The following PIK3C2B variants were observed in gnomAD, a reference collection of about 807,000 sequenced individuals.
PIK3C2B encodes phosphatidylinositol-4-phosphate 3-kinase catalytic subunit type 2 beta.
A neutral mutation model predicts 184.3 loss-of-function variants in PIK3C2B; 83 were observed. That is an observed-to-expected ratio of 0.45 (90% CI 0.38 to 0.54). PIK3C2B has a LOEUF of 0.54. Among genes scored for constraint, PIK3C2B ranks in the 20% least tolerant of loss-of-function variants. The pLI, the probability that PIK3C2B is intolerant of heterozygous loss-of-function variation, is 0.00. For missense variants in PIK3C2B, 1,736 were observed against 2,113.5 expected (o/e 0.82, Z 3.50); for synonymous variants, 779 against 837.6 (o/e 0.93, Z 1.21).
In PIK3C2B at chr1:204,433,761, G is replaced by A. The variant is rs373472404; in HGVS notation, c.3843+32C>T. ...TAAAGATGATGCCAGATAATAAGAA[G>A]AAGGTATTCGGAAAGGGATGGAGCT... On this transcript the variant is annotated intron_variant, in intron 25 of 32. Coordinates refer to ENST00000684373, the MANE Select transcript of PIK3C2B (RefSeq NM_001377334.1). This position sits in a 1 kb window ranked among gnomAD's most constrained non-coding sequence, Gnocchi z 5.0. 1 of 1,596,824 alleles carries A rather than the reference G, an allele frequency of 6.3e-7. No homozygotes were observed. The highest frequency in any genetic ancestry group is 8.6e-7 in the Non-Finnish European group (1 of 1,164,854).
rs1340869857 is a variant in PIK3C2B, at chr1:204,447,587, T to C, written c.2347-9A>G. The C allele has an allele frequency of 6.3e-7, 1 of 1,596,362 alleles. No individual in the cohort carries two copies. Among genetic ancestry groups the C allele is most frequent in the Non-Finnish European group, 8.5e-7 (1 of 1,171,428 alleles). ...GAGGTGGGGAAGTCAATCTGGGGGA[T>C]GAGATCAGGGATGTGAGGAGAGAAA... On this transcript the variant is annotated splice_polypyrimidine_tract_variant and intron_variant, in intron 14 of 32. Transcript: ENST00000684373. The surrounding 1 kb of genome is among the most constrained non-coding windows in gnomAD (Gnocchi z 4.1).
At position 204,490,211 on chromosome 1, in the gene PIK3C2B, G is replaced by A. The variant is rs938055307; in HGVS notation, c.-85+4145C>T. The A allele has an allele frequency of 2.3e-5, 8 of 341,810 alleles. No homozygotes were observed. The Admixed American group carries it at 2.4e-4, about 10-fold the overall frequency. 21.2% of individuals were successfully genotyped at this position (341,810 alleles called of 1,614,324 possible). A position where few individuals can be genotyped will look rare whatever the true frequency, so the allele number is the denominator to read the frequency against. ...TCCTACAGAGAGTTCTCAGGAAGAG[G>A]AAGGAGTGAATTGCTAAGGCTTCCT... is the stretch of plus-strand genomic sequence containing the variant. On this transcript the variant is annotated intron_variant, in intron 1 of 32. Transcript: ENST00000684373.
intron 12 of PIK3C2B, among the ~76,000 whole-genome samples, chr1:204,452,446 T>A (rs1654455844): frequency 6.7e-6 from 1 of 149,230 alleles, no homozygotes; most frequent in African/African-American, 2.5e-5. Flanking sequence ...CTTGGCTAAT[T>A]TTTTGTATTT....
intron 1 of PIK3C2B, among the ~76,000 whole-genome samples, chr1:204,472,166 C>CTTTT (rs71145091): frequency 7.0e-6 from 1 of 143,788 alleles, no homozygotes; most frequent in Admixed American, 6.9e-5. Flanking sequence ...ACTGGGGGAA[C>CTTTT]TTTTTTTTTT....
At chr1:204,431,335 G>A in intron 28 of PIK3C2B, 1 of 300,302 alleles carries the variant, frequency 3.3e-6, no homozygotes. Context: ...CATTTTAAAT[G>A]CTGAATAATA....
rs1419329537 is a variant in PIK3C2B at position 204,461,374 on chromosome 1, T to C, written c.1311-713A>G. 2.6e-5 allele frequency among the ~76,000 whole-genome samples: 4 copies of C among 152,164 alleles called. No individual in the cohort carries two copies. In the East Asian group the frequency reaches 7.7e-4, roughly 29 times the overall value. ...CTCGGCGATCCAACCTCTTCCTCTC[T>C]CCCAAATCACACCTTCAACAGCAAG... On this transcript the variant is annotated intron_variant, in intron 5 of 32. Transcript: ENST00000684373.
intron 18 of PIK3C2B, 79 bp downstream of exon 18, chr1:204,443,989 G>GC (rs1280293664): frequency 2.0e-6 from 2 of 990,620 alleles, no homozygotes; most frequent in African/African-American, 3.2e-5. Context: ...TCAGTTCCTT[G>GC]CCCTTGCGTG....
At position 204,494,791 on chromosome 1, in the gene PIK3C2B, C is replaced by T. The variant is rs1462421939; in HGVS notation, c.-520G>A. The T allele has an allele frequency of 6.6e-6, 1 of 152,216 alleles. No individual in the cohort carries two copies. The highest frequency in any genetic ancestry group is 6.5e-5 in the Admixed American group (1 of 15,284). The allele number at this position is 152,216 out of a possible 1,614,324, so 9.4% of individuals were successfully genotyped here. A position where few individuals can be genotyped will look rare whatever the true frequency, so the allele number is the denominator to read the frequency against. On this transcript the variant is annotated 5_prime_UTR_variant, in exon 1 of 33. Transcript: ENST00000684373. Reference sequence around the variant, plus strand: ...CAGGCACCCGGCCGCCGGCTCCAGCCGCAGCGCCGAATCCGCCGCGAGCCG... The same window carrying T: ...CAGGCACCCGGCCGCCGGCTCCAGCTGCAGCGCCGAATCCGCCGCGAGCCG...
rs368633444 is a variant in PIK3C2B, at chr1:204,464,153, G to C, written c.1190-21C>G. 35 of 1,612,188 alleles carry C rather than the reference G, an allele frequency of 2.2e-5. No homozygotes were observed. In the African/African-American group the frequency reaches 3.7e-4, roughly 17 times the overall value. On this transcript the variant is annotated intron_variant, in intron 4 of 32. Coordinates refer to ENST00000684373, the MANE Select transcript of PIK3C2B (RefSeq NM_001377334.1). ...GGAACCTGTGAAGGGTAAGGTAGGG[G>C]GAGCAATCATGATGGATGTCAAGGC... is the stretch of plus-strand genomic sequence containing the variant.
intron 29 of PIK3C2B, chr1:204,428,876 T>A (rs1366726978): frequency 2.2e-6 from 1 of 455,756 alleles, no homozygotes; most frequent in Non-Finnish European, 4.4e-6. Flanking sequence ...GTGCTAATTA[T>A]ATTGTTTCTC....
intron 12 of PIK3C2B, among the ~76,000 whole-genome samples, chr1:204,452,179 A>G (rs570879670): frequency 6.6e-6 from 1 of 152,088 alleles, no homozygotes; most frequent in South Asian, 2.1e-4. Context: ...GAACAAAATG[A>G]AACTCATGGG....
chr1:204,449,553 G>A (rs554079998), intron 13 of PIK3C2B, among the ~76,000 whole-genome samples: 17 of 152,182 alleles, frequency 1.1e-4, no homozygotes, highest in Middle Eastern at 3.2e-3. Flanking sequence ...TGGGGAGGCT[G>A]GGCTAGATGA....
chr1:204,455,774 G>T, intron 11 of PIK3C2B, 82 bp downstream of exon 11: 1 of 1,045,122 alleles, frequency 9.6e-7, no homozygotes, highest in Non-Finnish European at 1.4e-6. Context: ...TTAGGACAGT[G>T]GTATTACATG....
At chr1:204,446,180 G>C in intron 15 of PIK3C2B, 36 bp from the exon 16 acceptor site, 1 of 1,469,184 alleles carries the variant, frequency 6.8e-7, no homozygotes. Context: ...GTGGTGGGAG[G>C]GTAGGGGGCA....
At chr1:204,488,957 GA>G (rs1386729663) in intron 1 of PIK3C2B, among the ~76,000 whole-genome samples, 3 of 152,118 alleles carry the variant, frequency 2.0e-5, no homozygotes. Flanking sequence ...TTGTCTTCCA[GA>G]AATGACTTTA....
Position 204,481,663 on chromosome 1 carries a change from C to T in PIK3C2B, c.-84-11777G>A, listed in dbSNP as rs150753608. On this transcript the variant is annotated intron_variant, in intron 1 of 32. Transcript: ENST00000684373. ...CCAGGGGGCAGCTCCGGCCCTTCCC[C>T]AAGCAGGCTGTTCTCTGCGTTCCAG... Among the ~76,000 whole-genome samples the T allele has an allele frequency of 4.6e-5, 7 of 152,284 alleles. No homozygotes were observed. In the East Asian group the frequency reaches 1.4e-3, roughly 29 times the overall value.
chr1:204,470,080 C>T (rs1656177335), intron 1 of PIK3C2B, among the ~76,000 whole-genome samples, 194 bp from the exon 2 acceptor site: 1 of 151,958 alleles, frequency 6.6e-6, no homozygotes, highest in African/African-American at 2.4e-5. Context: ...TCCAACTATC[C>T]ATCCATTCAT....
chr1:204,445,875 G>A, intron 16 of PIK3C2B, 81 bp downstream of exon 16: 4 of 922,680 alleles, frequency 4.3e-6, no homozygotes, highest in Non-Finnish European at 6.1e-6. Context: ...CCCCAGGGCT[G>A]GCTCAGATCA....
chr1:204,480,810 G>A (rs1043660356), intron 1 of PIK3C2B, among the ~76,000 whole-genome samples: 3 of 151,982 alleles, frequency 2.0e-5, no homozygotes, highest in African/African-American at 4.8e-5. Flanking sequence ...CAGCCCCCGC[G>A]CCATGCTTCT....
Sources: gnomAD v4.1 joint callset for allele counts (sites outside exome capture counted in the v4.1 genomes callset) on GRCh38, gnomAD v4.1.1 for gene constraint, Gnocchi (gnomAD v3.1) non-coding constraint, MANE v1.5 for transcripts, NCBI Gene and HGNC (gene_info 2026-07-23, HGNC 2026-07-21) for gene names.